The following PCCA variants were observed in gnomAD, a reference collection of about 807,000 sequenced individuals.
PCCA encodes propionyl-CoA carboxylase subunit alpha.
PCCA carries 74 observed loss-of-function variants against 101.3 expected under a neutral mutation model. That is an observed-to-expected ratio of 0.73 (90% CI 0.61 to 0.89). The LOEUF (loss-of-function observed/expected upper bound fraction) is 0.89. PCCA is among the 40% of genes least tolerant of loss of function. PCCA has a pLI of 0.00. For synonymous variants in PCCA, 294 were observed against 313.6 expected (o/e 0.94, Z 0.66); for missense variants, 891 against 907.0 (o/e 0.98, Z 0.23).
intron 7 of PCCA, among the ~76,000 whole-genome samples, chr13:100,225,084 T>C (rs888757196): frequency 6.6e-6 from 1 of 152,174 alleles, no homozygotes; most frequent in African/African-American, 2.4e-5. Context: ...GTGTGGAAAG[T>C]AAATTGGAGC....
chr13:100,234,808 A>C (rs946677130), intron 7 of PCCA, among the ~76,000 whole-genome samples: 1 of 152,188 alleles, frequency 6.6e-6, no homozygotes. Context: ...ATTTTCTAAA[A>C]ATTCAGTCAC....
In PCCA at chr13:100,424,761, A is replaced by G. The variant is rs533623938; in HGVS notation, c.1747-872A>G. On this transcript the variant is annotated intron_variant, in intron 19 of 23. Coordinates refer to ENST00000376285, the MANE Select transcript of PCCA (RefSeq NM_000282.4). Reference sequence around the variant, plus strand: ...GAGTATCTTTTAAGAGAAATAAGTGATAGTGGGGGAATTGTTAGGGATCAT... The same window carrying G: ...GAGTATCTTTTAAGAGAAATAAGTGGTAGTGGGGGAATTGTTAGGGATCAT... Among the ~76,000 whole-genome samples, 47 of 152,232 alleles carry G rather than the reference A, an allele frequency of 3.1e-4. 1 individual carries two copies. The highest frequency in any genetic ancestry group is 1.1e-3 in the African/African-American group (46 of 41,546).
At chr13:100,164,620 T>A (rs2054846256) in intron 6 of PCCA, among the ~76,000 whole-genome samples, 1 of 152,240 alleles carries the variant, frequency 6.6e-6, no homozygotes, top group Admixed American at 6.5e-5. Context: ...TCAGTTGAAA[T>A]TAAGACTCAT....
intron 21 of PCCA, among the ~76,000 whole-genome samples, chr13:100,485,867 T>C (rs999654004): frequency 6.6e-6 from 1 of 152,236 alleles, no homozygotes; most frequent in Admixed American, 6.5e-5. Flanking sequence ...CATAAGCTGG[T>C]ACTAGGAATG....
chr13:100,506,847 A>G (rs1438608829), intron 21 of PCCA, among the ~76,000 whole-genome samples: 1 of 152,148 alleles, frequency 6.6e-6, no homozygotes, highest in East Asian at 1.9e-4. Flanking sequence ...TTATCTACAT[A>G]ATTGTGTTTT....
chr13:100,230,117 G>C (rs2060376702), intron 7 of PCCA, among the ~76,000 whole-genome samples: 1 of 152,228 alleles, frequency 6.6e-6, no homozygotes, highest in Non-Finnish European at 1.5e-5. Flanking sequence ...GGATTTAGTA[G>C]AGAGTAAGAC....
At chr13:100,503,773 T>C (rs1005222902) in intron 21 of PCCA, among the ~76,000 whole-genome samples, 1 of 152,184 alleles carries the variant, frequency 6.6e-6, no homozygotes, top group South Asian at 2.1e-4. Flanking sequence ...CCGGGCATGG[T>C]GGCATGTGCC....
At chr13:100,497,535 C>T (rs2085363006) in intron 21 of PCCA, among the ~76,000 whole-genome samples, 1 of 151,452 alleles carries the variant, frequency 6.6e-6, no homozygotes. Context: ...GATACTATCA[C>T]AGCTGCCAGG....
intron 19 of PCCA, among the ~76,000 whole-genome samples, chr13:100,412,698 G>A (rs2152873014): frequency 6.6e-6 from 1 of 152,204 alleles, no homozygotes; most frequent in Admixed American, 6.5e-5. Context: ...GGTCTTCCTT[G>A]AGATGTAATG....
intron 21 of PCCA, among the ~76,000 whole-genome samples, chr13:100,507,011 C>T (rs2086134510): frequency 6.6e-6 from 1 of 152,062 alleles, no homozygotes; most frequent in African/African-American, 2.4e-5. Flanking sequence ...TTACATAAAA[C>T]AATTCGAGAT....
chr13:100,134,215 A>G (rs767710668), intron 4 of PCCA, among the ~76,000 whole-genome samples: 1 of 152,178 alleles, frequency 6.6e-6, no homozygotes, highest in African/African-American at 2.4e-5. Flanking sequence ...GTCAAAAATC[A>G]AATGGGGTGA....
chr13:100,447,003 G>T (rs2080878391), intron 20 of PCCA, among the ~76,000 whole-genome samples: 1 of 152,096 alleles, frequency 6.6e-6, no homozygotes, highest in Non-Finnish European at 1.5e-5. Flanking sequence ...TCTTGCCATT[G>T]TTCAGTTCTA....
intron 19 of PCCA, among the ~76,000 whole-genome samples, chr13:100,420,910 GA>G (rs1282656489): frequency 6.6e-6 from 1 of 151,240 alleles, no homozygotes; most frequent in Non-Finnish European, 1.5e-5. Flanking sequence ...CACTTCACTT[GA>G]AAAAAAAACT....
At chr13:100,228,259 G>A (rs1019226296) in intron 7 of PCCA, among the ~76,000 whole-genome samples, 4 of 152,062 alleles carry the variant, frequency 2.6e-5, no homozygotes, top group East Asian at 1.9e-4. Flanking sequence ...CAGATGATCC[G>A]CCTGCCTCAG....
intron 1 of PCCA, among the ~76,000 whole-genome samples, chr13:100,098,206 A>C (rs549348545): frequency 1.8e-4 from 28 of 152,268 alleles, no homozygotes; most frequent in African/African-American, 6.7e-4. Context: ...CCCATCTCTT[A>C]AAAAAACAAA....
chr13:100,351,050 A>G (rs909942938), intron 18 of PCCA, among the ~76,000 whole-genome samples: 8 of 152,204 alleles, frequency 5.3e-5, no homozygotes, highest in Non-Finnish European at 1.2e-4. Flanking sequence ...GTTGCATTAA[A>G]TGTTTGCATT....
At chr13:100,146,233 A>T (rs1468933326) in intron 4 of PCCA, among the ~76,000 whole-genome samples, 1 of 148,678 alleles carries the variant, frequency 6.7e-6, no homozygotes, top group Non-Finnish European at 1.5e-5. Flanking sequence ...GAGCCACCGC[A>T]CCGGCCAGCT....
At chr13:100,431,233 T>C (rs1471399171) in intron 20 of PCCA, among the ~76,000 whole-genome samples, 1 of 152,212 alleles carries the variant, frequency 6.6e-6, no homozygotes, top group Non-Finnish European at 1.5e-5. Context: ...ATTGGCTCTC[T>C]TGTTTTCTCT....
intron 6 of PCCA, among the ~76,000 whole-genome samples, chr13:100,164,626 C>G (rs547070346): frequency 9.2e-5 from 14 of 152,292 alleles, no homozygotes; most frequent in African/African-American, 3.4e-4. Context: ...GAAATTAAGA[C>G]TCATTTTATT....
Sources: allele counts gnomAD v4.1 joint callset (sites outside exome capture counted in the v4.1 genomes callset), GRCh38; gene constraint gnomAD v4.1.1; transcripts MANE v1.5; gene names NCBI Gene and HGNC (gene_info 2026-07-23, HGNC 2026-07-21).